Variants in CYP27A1 observed in about 807,000 individuals in gnomAD.
The protein encoded by CYP27A1 is cytochrome P450 family 27 subfamily A member 1.
A neutral mutation model predicts 58.2 loss-of-function variants in CYP27A1; 46 were observed. That is an observed-to-expected ratio of 0.79 (90% CI 0.62 to 1.01). The LOEUF is 1.01. Ranked by LOEUF, CYP27A1 falls within the 50% of genes least tolerant of loss-of-function variation. The pLI is 0.00. For synonymous variants in CYP27A1, 274 were observed against 285.1 expected, an observed-to-expected ratio of 0.96 and a Z score of 0.39; for missense variants, 704 against 687.0, an observed-to-expected ratio of 1.02 and a Z score of -0.28.
Position 218,814,725 on chromosome 2 carries a change from G to C in CYP27A1, c.1444G>C (p.Ala482Pro), listed in dbSNP as rs1424528113. 6.2e-7 allele frequency: 1 copy of C among 1,614,190 alleles called. No homozygotes were observed. Among genetic ancestry groups the C allele is most frequent in the Non-Finnish European group, 8.5e-7 (1 of 1,180,042 alleles). The change falls in exon 8 of 9, where the codon GCA becomes CCA. Residue 482 changes from alanine to proline, a missense_variant. Ala to Pro is a conservative substitution (Grantham distance 27). Coordinates refer to ENST00000258415, the MANE Select transcript of CYP27A1 (RefSeq NM_000784.4). ...GVRACLGRRI[A>P]ELEMQLLLAR... is the part of the protein sequence containing the mutation. ...CCGGGCCTGCCTGGGCCGCAGGATT[G>C]CAGAGCTGGAGATGCAGCTACTCCT...
rs57956133 is a variant in CYP27A1, at chr2:218,809,442, C to CTTTTTTTTT, written c.256-121_256-113dup. 1.9e-4 allele frequency: 71 copies of CTTTTTTTTT among 370,628 alleles called. 14 individuals carry two copies. The African/African-American group carries it at 2.0e-3, about 11-fold the overall frequency. The allele number at this position is 370,628 out of a possible 1,614,324, so 23.0% of individuals were successfully genotyped here. On this transcript the variant is annotated intron_variant, in intron 1 of 8. Coordinates refer to ENST00000258415, the MANE Select transcript of CYP27A1 (RefSeq NM_000784.4). ...TGGTGCCTACATCATACACAATGCC[C>CTTTTTTTTT]TTTTTTTTTTTTTTTTTTTTTTGCC...
intron 1 of CYP27A1, among the ~76,000 whole-genome samples, chr2:218,793,048 C>T (rs1943511333): frequency 3.3e-5 from 5 of 152,102 alleles, no homozygotes; most frequent in Admixed American, 3.3e-4. Flanking sequence ...TTCATTTAAC[C>T]AAAGTGATAA....
At chr2:218,789,606 G>C (rs1943471977) in intron 1 of CYP27A1, among the ~76,000 whole-genome samples, 1 of 152,238 alleles carries the variant, frequency 6.6e-6, no homozygotes, top group Admixed American at 6.5e-5. Flanking sequence ...GCTACAGTCT[G>C]TATACAACTC....
rs1050566720 is a variant in CYP27A1 at position 218,813,022 on chromosome 2, C to A, written c.943C>A (p.Leu315Met). Residue 315 changes from leucine to methionine, a missense_variant, in exon 5 of 9, where the codon CTG (leucine) becomes ATG (methionine). Physicochemically the swap from Leu to Met is conservative, Grantham distance 15 (BLOSUM62 2). Coordinates refer to ENST00000258415, the MANE Select transcript of CYP27A1 (RefSeq NM_000784.4). The part of the protein sequence containing the change: ...IQVSGYLHFL[L>M]ASGQLSPREA... The stretch of plus-strand genomic sequence containing the variant: ...GGTGTCTGGCTACCTGCACTTCTTA[C>A]TGGCCAGTGGACAGCTCAGTCCTCG... 1.2e-6 allele frequency: 2 copies of A among 1,614,098 alleles called. No homozygotes were observed. The highest frequency in any genetic ancestry group is 8.5e-7 in the Non-Finnish European group (1 of 1,180,052).
rs1268917075 is a variant in CYP27A1 at position 218,814,934 on chromosome 2, C to T, written c.1500C>T (p.Val500=). Residue 500 remains valine, a synonymous_variant, in exon 9 of 9, where the codon GTC becomes GTT. Coordinates refer to ENST00000258415, the MANE Select transcript of CYP27A1 (RefSeq NM_000784.4). ...AGCTGATCCAGAAGTACAAGGTGGTCCTGGCCCCGGAGACGGGGGAGTTGA... is the reference window on the plus strand; with the variant it reads ...AGCTGATCCAGAAGTACAAGGTGGTTCTGGCCCCGGAGACGGGGGAGTTGA... ...LARLIQKYKV[V]LAPETGELKS... is the part of the protein sequence containing the mutation. 2 of 1,614,218 alleles carry T rather than the reference C, an allele frequency of 1.2e-6. No individual in the cohort carries two copies. Among genetic ancestry groups the T allele is most frequent in the Admixed American group, 1.7e-5 (1 of 60,022 alleles).
chr2:218,801,806 G>A (rs1418819098), intron 1 of CYP27A1, among the ~76,000 whole-genome samples: 2 of 151,444 alleles, frequency 1.3e-5, no homozygotes, highest in Non-Finnish European at 2.9e-5. Flanking sequence ...TTTTCTTCTT[G>A]TATTTTTGTA....
At chr2:218,789,629 A>G (rs1444357725) in intron 1 of CYP27A1, among the ~76,000 whole-genome samples, 1 of 152,236 alleles carries the variant, frequency 6.6e-6, no homozygotes, top group Non-Finnish European at 1.5e-5. Context: ...TTTACGTTAT[A>G]GTTTGTAATG....
rs1292791642 is a variant in CYP27A1, at chr2:218,814,363, C to T, written c.1185-17C>T. ...CCATGAATCCAGAGCAGACTCCAGACATTCTTTTCCCTGCAGTCTCTACCC... is the reference window on the plus strand; with the variant it reads ...CCATGAATCCAGAGCAGACTCCAGATATTCTTTTCCCTGCAGTCTCTACCC... On this transcript the variant is annotated splice_polypyrimidine_tract_variant and intron_variant, in intron 6 of 8. Transcript: ENST00000258415. 6.2e-7 allele frequency: 1 copy of T among 1,612,652 alleles called. No individual in the cohort carries two copies.
rs1553616469 is a variant in CYP27A1, at chr2:218,814,476, G to A, written c.1263+18G>A. On this transcript the variant is annotated intron_variant, in intron 7 of 8. Coordinates refer to ENST00000258415, the MANE Select transcript of CYP27A1 (RefSeq NM_000784.4). Reference sequence around the variant, plus strand: ...CCAAGAACGTGAGTGGGGCTAGAGAGCCCGATTGCCCAGGAGTGCCCTATG... The same window carrying A: ...CCAAGAACGTGAGTGGGGCTAGAGAACCCGATTGCCCAGGAGTGCCCTATG... 1.2e-6 allele frequency: 2 copies of A among 1,614,054 alleles called. No homozygotes were observed. Among genetic ancestry groups the A allele is most frequent in the Non-Finnish European group, 1.7e-6 (2 of 1,179,840 alleles).
intron 1 of CYP27A1, among the ~76,000 whole-genome samples, chr2:218,799,858 T>G (rs1173645878): frequency 6.6e-6 from 1 of 152,036 alleles, no homozygotes; most frequent in Non-Finnish European, 1.5e-5. Flanking sequence ...GTGCCCAGTG[T>G]CGGAAAAGGC....
chr2:218,806,703 T>A (rs1943655411), intron 1 of CYP27A1, among the ~76,000 whole-genome samples: 1 of 152,244 alleles, frequency 6.6e-6, no homozygotes, highest in Admixed American at 6.5e-5. Flanking sequence ...GAATCCTGAC[T>A]CTGCTACTTA....
chr2:218,809,453 T>TAC, intron 1 of CYP27A1, 124 bp from the exon 2 acceptor site: 26 of 482,358 alleles, frequency 5.4e-5, no homozygotes, highest in African/African-American at 4.1e-4. Context: ...TTTTTTTTTT[T>TAC]TTTTTTTTTT....
At chr2:218,809,446 T>TAC in intron 1 of CYP27A1, 131 bp from the exon 2 acceptor site, 1 of 326,448 alleles carries the variant, frequency 3.1e-6, no homozygotes. Context: ...AATGCCCTTT[T>TAC]TTTTTTTTTT....
intron 1 of CYP27A1, among the ~76,000 whole-genome samples, chr2:218,806,364 C>G (rs1303862846): frequency 6.6e-6 from 1 of 152,162 alleles, no homozygotes; most frequent in Admixed American, 6.5e-5. Context: ...ATTTCATCCC[C>G]CAGGGGACAT....
chr2:218,805,121 G>C (rs1331783141), intron 1 of CYP27A1, among the ~76,000 whole-genome samples: 1 of 152,204 alleles, frequency 6.6e-6, no homozygotes, highest in Non-Finnish European at 1.5e-5. Context: ...TTCAACATAA[G>C]AATTTGAGGG....
rs377513951 is a variant in CYP27A1, at chr2:218,814,477, C to A, written c.1263+19C>A. ...CAAGAACGTGAGTGGGGCTAGAGAGCCCGATTGCCCAGGAGTGCCCTATGC... is the reference window on the plus strand; with the variant it reads ...CAAGAACGTGAGTGGGGCTAGAGAGACCGATTGCCCAGGAGTGCCCTATGC... On this transcript the variant is annotated intron_variant, in intron 7 of 8. Transcript: ENST00000258415. The A allele has an allele frequency of 4.3e-6, 7 of 1,613,772 alleles. No individual in the cohort carries two copies. Among genetic ancestry groups the A allele is most frequent in the Non-Finnish European group, 5.9e-6 (7 of 1,179,708 alleles).
intron 1 of CYP27A1, among the ~76,000 whole-genome samples, chr2:218,783,265 A>G (rs1943412051): frequency 1.3e-5 from 2 of 151,404 alleles, no homozygotes; most frequent in African/African-American, 2.4e-5. Flanking sequence ...CTCAAAAAAA[A>G]AAAAAAAAAA....
chr2:218,795,695 A>G (rs115245066), intron 1 of CYP27A1, among the ~76,000 whole-genome samples: 6,114 of 152,308 alleles, frequency 0.04, 391 homozygotes, highest in African/African-American at 0.14. Context: ...GTAGGCAAAA[A>G]CTTAAGAACA....
chr2:218,801,739 A>G (rs1045045298), intron 1 of CYP27A1, among the ~76,000 whole-genome samples: 1 of 151,582 alleles, frequency 6.6e-6, no homozygotes, highest in African/African-American at 2.4e-5. Context: ...TAAATTCCCT[A>G]TTTCTGTTTT....
Sources: allele counts gnomAD v4.1 joint callset (sites outside exome capture counted in the v4.1 genomes callset), GRCh38; gene constraint gnomAD v4.1.1; transcripts MANE v1.5; gene names NCBI Gene and HGNC (gene_info 2026-07-23, HGNC 2026-07-21).